LRRTM4: variants seen among roughly 807,000 people sequenced by gnomAD.
LRRTM4 encodes leucine rich repeat transmembrane neuronal 4.
Under a neutral mutation model 47.6 loss-of-function variants are expected in LRRTM4, and 25 were observed. That is an observed-to-expected ratio of 0.53 (90% CI 0.38 to 0.73). The LOEUF (loss-of-function observed/expected upper bound fraction) is 0.73, where lower values mean the gene tolerates loss of function less well. LRRTM4 is among the 30% of genes least tolerant of loss of function. The pLI is 0.00. For synonymous variants in LRRTM4, 311 were observed against 269.5 expected, an observed-to-expected ratio of 1.15 and a Z score of -1.51; for missense variants, 638 against 713.4, an observed-to-expected ratio of 0.89 and a Z score of 1.20.
At chr2:77,209,420 T>C (rs1674229756) in intron 3 of LRRTM4, among the ~76,000 whole-genome samples, 1 of 151,586 alleles carries the variant, frequency 6.6e-6, no homozygotes, top group South Asian at 2.1e-4. Flanking sequence ...TGAGTGGCTT[T>C]TGTAAGAAAA....
chr2:76,803,045 A>G (rs1344129990), intron 3 of LRRTM4, among the ~76,000 whole-genome samples: 1 of 152,142 alleles, frequency 6.6e-6, no homozygotes, highest in Admixed American at 6.6e-5. Flanking sequence ...CTGGGTAATG[A>G]TTTATTTTTA....
intron 3 of LRRTM4, among the ~76,000 whole-genome samples, chr2:77,166,542 C>G (rs1433521005): frequency 6.6e-6 from 1 of 152,138 alleles, no homozygotes; most frequent in Non-Finnish European, 1.5e-5. Flanking sequence ...ATTATGCTAC[C>G]TGACTTCAAA....
chr2:77,129,179 C>T (rs1671730323), intron 3 of LRRTM4, among the ~76,000 whole-genome samples: 2 of 152,174 alleles, frequency 1.3e-5, no homozygotes, highest in East Asian at 3.9e-4. Flanking sequence ...AAGTGACTGA[C>T]TACATCAGTA....
At chr2:77,038,776 G>C (rs998900928) in intron 3 of LRRTM4, among the ~76,000 whole-genome samples, 10 of 151,506 alleles carry the variant, frequency 6.6e-5, no homozygotes, top group African/African-American at 2.2e-4. Flanking sequence ...ATATTGATAG[G>C]GGAATCAGTT....
intron 3 of LRRTM4, among the ~76,000 whole-genome samples, chr2:76,813,794 T>A (rs1333137885): frequency 2.0e-5 from 3 of 152,154 alleles, no homozygotes; most frequent in African/African-American, 7.2e-5. Flanking sequence ...ACAAAGATTG[T>A]GAAGATACTA....
At chr2:76,782,028 T>A (rs1336394370) in intron 3 of LRRTM4, among the ~76,000 whole-genome samples, 1 of 152,218 alleles carries the variant, frequency 6.6e-6, no homozygotes, top group African/African-American at 2.4e-5. Context: ...AGGCTTTAGA[T>A]CTTTCACCTT....
intron 3 of LRRTM4, among the ~76,000 whole-genome samples, chr2:77,092,585 C>T (rs1203930920): frequency 6.9e-6 from 1 of 145,502 alleles, no homozygotes; most frequent in Non-Finnish European, 1.5e-5. Context: ...TTGCCCCCAC[C>T]CAGGACTGGC....
intron 3 of LRRTM4, among the ~76,000 whole-genome samples, chr2:77,267,637 TA>T (rs1257102819): frequency 6.6e-6 from 1 of 152,166 alleles, no homozygotes; most frequent in Admixed American, 6.5e-5. Flanking sequence ...ACTCACTTCA[TA>T]ACACCATTAG....
chr2:76,804,963 C>T (rs933961190), intron 3 of LRRTM4, among the ~76,000 whole-genome samples: 1 of 151,864 alleles, frequency 6.6e-6, no homozygotes, highest in African/African-American at 2.4e-5. Flanking sequence ...AGTTGCCTGT[C>T]ATTTATGATA....
chr2:77,395,668 A>T (rs902244959), intron 3 of LRRTM4, among the ~76,000 whole-genome samples: 3 of 151,944 alleles, frequency 2.0e-5, no homozygotes, highest in Non-Finnish European at 2.9e-5. Flanking sequence ...ATAATAGCTA[A>T]CTTGAGCTCC....
chr2:77,042,265 T>G (rs1216788154), intron 3 of LRRTM4, among the ~76,000 whole-genome samples: 1 of 151,394 alleles, frequency 6.6e-6, no homozygotes, highest in Non-Finnish European at 1.5e-5. Flanking sequence ...CAAGCTACTC[T>G]CAAATAGTTA....
chr2:76,808,458 A>G (rs1036475246), intron 3 of LRRTM4, among the ~76,000 whole-genome samples: 2 of 149,264 alleles, frequency 1.3e-5, no homozygotes, highest in African/African-American at 5.0e-5. Flanking sequence ...AAAAAAAAAG[A>G]ATACATAGAC....
chr2:77,294,796 G>A (rs1436171713), intron 3 of LRRTM4, among the ~76,000 whole-genome samples: 1 of 151,962 alleles, frequency 6.6e-6, no homozygotes, highest in South Asian at 2.1e-4. Context: ...AGCAACTATG[G>A]CAACAGGGAA....
chr2:77,135,422 G>A (rs1188831034), intron 3 of LRRTM4, among the ~76,000 whole-genome samples: 1 of 152,130 alleles, frequency 6.6e-6, no homozygotes, highest in Non-Finnish European at 1.5e-5. Flanking sequence ...CCACCCTAAT[G>A]AGAACAAACT....
chr2:77,056,387 A>G (rs1558553781), intron 3 of LRRTM4, among the ~76,000 whole-genome samples: 1 of 152,154 alleles, frequency 6.6e-6, no homozygotes, highest in Non-Finnish European at 1.5e-5. Flanking sequence ...AACTTGTACA[A>G]ATGAAATAAT....
intron 3 of LRRTM4, among the ~76,000 whole-genome samples, chr2:77,163,488 A>G (rs2103814672): frequency 6.6e-6 from 1 of 152,212 alleles, no homozygotes; most frequent in South Asian, 2.1e-4. Flanking sequence ...CCACAAAGAT[A>G]CTCCTCGAGA....
chr2:77,407,333 A>G (rs1230139043), intron 3 of LRRTM4, among the ~76,000 whole-genome samples: 2 of 151,930 alleles, frequency 1.3e-5, no homozygotes, highest in African/African-American at 4.8e-5. Context: ...AAATATTTTT[A>G]TATGTATGAG....
At chr2:77,323,223 T>A (rs1670610836) in intron 3 of LRRTM4, among the ~76,000 whole-genome samples, 1 of 152,118 alleles carries the variant, frequency 6.6e-6, no homozygotes, top group African/African-American at 2.4e-5. Context: ...TCCAAACAGA[T>A]TAAATGCCAG....
chr2:77,072,197 G>T (rs1168778714), intron 3 of LRRTM4, among the ~76,000 whole-genome samples: 5 of 152,050 alleles, frequency 3.3e-5, no homozygotes. Context: ...TGAGAATAAT[G>T]ACTCCAGTTG....
Sources: gnomAD v4.1 joint callset for allele counts (sites outside exome capture counted in the v4.1 genomes callset) on GRCh38, gnomAD v4.1.1 for gene constraint, MANE v1.5 for transcripts, NCBI Gene and HGNC (gene_info 2026-07-23, HGNC 2026-07-21) for gene names.